Variants in SLC30A9 observed in about 807,000 individuals in gnomAD.
SLC30A9 encodes the protein proton-coupled zinc antiporter SLC30A9, mitochondrial.
A neutral mutation model predicts 87.5 loss-of-function variants in SLC30A9; 58 were observed. The ratio of observed to expected loss-of-function variants is 0.66; its 90% CI spans 0.54 to 0.82. The LOEUF (loss-of-function observed/expected upper bound fraction) is 0.82. Ranked by LOEUF, SLC30A9 falls within the 40% of genes least tolerant of loss-of-function variation. The pLI is 0.00. For missense variants in SLC30A9, 557 were observed against 679.1 expected, an observed-to-expected ratio of 0.82 and a Z score of 2.00; for synonymous variants, 234 against 233.0, an observed-to-expected ratio of 1.00 and a Z score of -0.04.
chr4:41,997,166 A>AC (rs1382269362), intron 1 of SLC30A9, among the ~76,000 whole-genome samples: 1 of 151,704 alleles, frequency 6.6e-6, no homozygotes, highest in Non-Finnish European at 1.5e-5. Flanking sequence ...ACTCAAAAAA[A>AC]AAAAAGATTC....
chr4:41,995,757 T>C (rs79013480), intron 1 of SLC30A9, among the ~76,000 whole-genome samples: 5,973 of 152,352 alleles, frequency 0.039, 147 homozygotes, highest in Middle Eastern at 0.075. Flanking sequence ...TCACCCAGGC[T>C]AGAGTGCACT....
At chr4:42,008,492 G>C (rs1715307650) in intron 2 of SLC30A9, among the ~76,000 whole-genome samples, 1 of 152,174 alleles carries the variant, frequency 6.6e-6, no homozygotes, top group South Asian at 2.1e-4. Flanking sequence ...GTTCTAACCT[G>C]GAACTAAAGA....
intron 15 of SLC30A9, among the ~76,000 whole-genome samples, chr4:42,075,118 G>C (rs1718499005): frequency 1.6e-5 from 2 of 121,840 alleles, no homozygotes; most frequent in Admixed American, 2.1e-4. Context: ...CTGTTGCCCA[G>C]GCTGGAGTGC....
intron 2 of SLC30A9, among the ~76,000 whole-genome samples, chr4:42,013,830 C>T (rs1715565492): frequency 6.6e-6 from 1 of 152,178 alleles, no homozygotes; most frequent in South Asian, 2.1e-4. Context: ...GGATATTGGA[C>T]TGGGCAGATT....
At chr4:42,023,124 CT>C (rs1158234079) in intron 5 of SLC30A9, among the ~76,000 whole-genome samples, 177 bp from the exon 6 acceptor site, 6 of 152,068 alleles carry the variant, frequency 3.9e-5, no homozygotes, top group Non-Finnish European at 7.4e-5. Context: ...AGAAAATTTG[CT>C]GTTGAATTTA....
chr4:42,039,214 G>A lies in SLC30A9; in HGVS notation c.737+161G>A, dbSNP rs182068148. On this transcript the variant is annotated intron_variant, in intron 8 of 17. Coordinates refer to ENST00000264451, the MANE Select transcript of SLC30A9 (RefSeq NM_006345.4). ...AGTCTTTATTATTGTCAGTAAAGTG[G>A]TGGGGAAAGAGCATGAATTCATATA... Among the ~76,000 whole-genome samples, 3 of 152,258 alleles carry A rather than the reference G, an allele frequency of 2.0e-5. No individual in the cohort carries two copies. The East Asian group carries it at 5.8e-4, about 29-fold the overall frequency.
rs542945988 is a variant in SLC30A9 at position 42,052,821 on chromosome 4, C to G, written c.840+3342C>G. Among the ~76,000 whole-genome samples, 147 of 152,258 alleles carry G rather than the reference C, an allele frequency of 9.7e-4. 1 individual carries two copies. The highest frequency in any genetic ancestry group is 3.4e-3 in the African/African-American group (143 of 41,548). On this transcript the variant is annotated intron_variant, in intron 9 of 17. Coordinates refer to ENST00000264451, the MANE Select transcript of SLC30A9 (RefSeq NM_006345.4). ...GAGAATATCTTTTAGACCTGGTAGG[C>G]AAAGATTTCATAAATAGGACACAGA... is the stretch of plus-strand genomic sequence containing the variant.
chr4:42,067,012 T>C (rs12643893), intron 13 of SLC30A9, 73 bp from the exon 14 acceptor site: 619,716 of 853,772 alleles, frequency 0.73, 236,719 homozygotes, highest in East Asian at 0.96. Flanking sequence ...TGGATACTTA[T>C]TAAAATGTTA....
intron 3 of SLC30A9, among the ~76,000 whole-genome samples, chr4:42,019,682 A>T (rs184989076): frequency 1.3e-5 from 2 of 152,208 alleles, no homozygotes; most frequent in African/African-American, 4.8e-5. Context: ...TTTCACAAAA[A>T]AATAATTATA....
chr4:42,054,117 G>A (rs1451283285), intron 9 of SLC30A9, among the ~76,000 whole-genome samples: 1 of 152,144 alleles, frequency 6.6e-6, no homozygotes, highest in African/African-American at 2.4e-5. Flanking sequence ...CACATTGGGA[G>A]GCCGAGGTGG....
chr4:42,058,237 G>A (rs1334973095), intron 9 of SLC30A9, among the ~76,000 whole-genome samples: 3 of 151,996 alleles, frequency 2.0e-5, no homozygotes, highest in African/African-American at 7.3e-5. Context: ...AATCTCTAGG[G>A]CAGGGGCAAA....
At position 42,067,194 on chromosome 4, in the gene SLC30A9, T is replaced by C; in HGVS notation, c.1252+2T>C. ...GCATGGGCCTTACTTCTATAACAGG[T>C]AAATATTCCTTAAATTACAGGTGAT... On this transcript the variant is annotated splice_donor_variant, in intron 14 of 17. Transcript: ENST00000264451. LOFTEE classifies it high-confidence loss of function. The C allele has an allele frequency of 6.6e-7, 1 of 1,512,970 alleles. No homozygotes were observed. The highest frequency in any genetic ancestry group is 9.2e-7 in the Non-Finnish European group (1 of 1,088,798). 93.7% of individuals were successfully genotyped at this position (1,512,970 alleles called of 1,614,324 possible).
intron 17 of SLC30A9, among the ~76,000 whole-genome samples, chr4:42,079,903 A>C (rs897305829): frequency 2.6e-5 from 4 of 152,232 alleles, no homozygotes; most frequent in Admixed American, 2.0e-4. Context: ...AGCGTGAGCC[A>C]CCATGCCAAG....
At chr4:42,010,481 T>C (rs1715392115) in intron 2 of SLC30A9, among the ~76,000 whole-genome samples, 1 of 149,038 alleles carries the variant, frequency 6.7e-6, no homozygotes. Context: ...TGTCTCAAAA[T>C]AAAATAAAAT....
At chr4:42,009,334 A>G (rs188662187) in intron 2 of SLC30A9, among the ~76,000 whole-genome samples, 4 of 152,358 alleles carry the variant, frequency 2.6e-5, no homozygotes, top group African/African-American at 4.8e-5. Flanking sequence ...TAATTTGTAT[A>G]TTTAAAGATT....
intron 2 of SLC30A9, among the ~76,000 whole-genome samples, chr4:42,006,151 G>A (rs1715192504): frequency 2.0e-5 from 3 of 152,206 alleles, no homozygotes; most frequent in African/African-American, 7.2e-5. Flanking sequence ...ATGGGAGGAT[G>A]TGCATAGGTT....
At chr4:42,003,753 CT>C (rs1189677395) in intron 2 of SLC30A9, among the ~76,000 whole-genome samples, 1 of 109,884 alleles carries the variant, frequency 9.1e-6, no homozygotes, top group South Asian at 4.0e-4. Context: ...TCTTAAATTC[CT>C]TTTTTGCCTT....
At chr4:42,019,011 AT>A (rs999242776) in intron 3 of SLC30A9, among the ~76,000 whole-genome samples, 2 of 27,156 alleles carry the variant, frequency 7.4e-5, no homozygotes, top group African/African-American at 9.2e-5. Context: ...ATTTCCTTAT[AT>A]TTTTTTTCAG....
At chr4:42,070,715 G>C (rs778376865) in intron 15 of SLC30A9, 24 bp downstream of exon 15, 3 of 1,578,022 alleles carry the variant, frequency 1.9e-6, no homozygotes, top group Non-Finnish European at 2.6e-6. Context: ...CAGTAATCCT[G>C]TTAAGGCTTA....
Sources: allele counts gnomAD v4.1 joint callset (sites outside exome capture counted in the v4.1 genomes callset), GRCh38; gene constraint gnomAD v4.1.1; transcripts MANE v1.5; gene names NCBI Gene and HGNC (gene_info 2026-07-23, HGNC 2026-07-21).